Variants in GRHL2 observed in about 807,000 individuals in gnomAD.
GRHL2 encodes the protein grainyhead-like protein 2 homolog.
A neutral mutation model predicts 83.8 loss-of-function variants in GRHL2; 21 were observed. The observed-to-expected ratio is 0.25, with a 90% CI of 0.18 to 0.36. The LOEUF (loss-of-function observed/expected upper bound fraction) is 0.36. GRHL2 is among the 10% of genes least tolerant of loss of function. GRHL2 has a pLI of 1.00. For synonymous variants in GRHL2, 280 were observed against 278.9 expected, an observed-to-expected ratio of 1.00 and a Z score of -0.04; for missense variants, 623 against 781.8, an observed-to-expected ratio of 0.80 and a Z score of 2.42.
At chr8:101,676,319 A>G in the GRHL2 span, among the ~76,000 whole-genome samples, 1 of 151,798 alleles carries the variant, frequency 6.6e-6, no homozygotes, top group Non-Finnish European at 1.5e-5. Flanking sequence ...CATCTGACAA[A>G]GGGCTAATAT....
intron 12 of GRHL2, 118 bp downstream of exon 12, chr8:101,637,046 T>C: frequency 1.1e-6 from 1 of 916,988 alleles, no homozygotes; most frequent in Non-Finnish European, 1.8e-6. Flanking sequence ...ACCTCAGGAC[T>C]CAGAGCTGAG....
chr8:101,541,037 G>T (rs985649358), intron 1 of GRHL2, among the ~76,000 whole-genome samples: 11 of 152,038 alleles, frequency 7.2e-5, no homozygotes, highest in East Asian at 5.8e-4. Context: ...TTTGTTTTTT[G>T]TTGTTGTTGT....
chr8:101,518,152 G>C (rs1463139914), intron 1 of GRHL2, among the ~76,000 whole-genome samples: 1 of 152,072 alleles, frequency 6.6e-6, no homozygotes, highest in Non-Finnish European at 1.5e-5. Context: ...ATACTTCCCT[G>C]CCTCTAATAA....
At chr8:101,629,758 T>C (rs966973598) in intron 9 of GRHL2, among the ~76,000 whole-genome samples, 1 of 152,126 alleles carries the variant, frequency 6.6e-6, no homozygotes, top group African/African-American at 2.4e-5. Context: ...CAGACTTTAG[T>C]ATTTTGAAGA....
intron 1 of GRHL2, among the ~76,000 whole-genome samples, chr8:101,494,538 C>G (rs551647946): frequency 1.3e-5 from 2 of 152,228 alleles, no homozygotes; most frequent in African/African-American, 2.4e-5. Context: ...AAACACGACT[C>G]GAGTTTGAAA....
intron 4 of GRHL2, among the ~76,000 whole-genome samples, chr8:101,563,050 G>A (rs559324161): frequency 6.6e-6 from 1 of 152,196 alleles, no homozygotes; most frequent in Admixed American, 6.5e-5. Flanking sequence ...TATGTGCTGG[G>A]CATCATTCTA....
At chr8:101,652,600 G>GTGT (rs1813694008) in intron 14 of GRHL2, among the ~76,000 whole-genome samples, 2 of 71,614 alleles carry the variant, frequency 2.8e-5, no homozygotes, top group Non-Finnish European at 4.8e-5. Flanking sequence ...GTGTGTGTGT[G>GTGT]GTGTGTGTGT....
intron 1 of GRHL2, among the ~76,000 whole-genome samples, chr8:101,524,801 A>G (rs1463915595): frequency 1.3e-5 from 2 of 152,172 alleles, no homozygotes; most frequent in Non-Finnish European, 2.9e-5. Context: ...TGGCTTTAAA[A>G]AAAAAATCCA....
rs140511699 is a variant in GRHL2 at position 101,616,575 on chromosome 8, A to C, written c.1099-2964A>C. The stretch of plus-strand genomic sequence containing the variant: ...TCTTTACTGTTCCTCAGTCCTTGTC[A>C]GACCCCTGCTCTAAGCCCAGTGAAT... On this transcript the variant is annotated intron_variant, in intron 8 of 15. Coordinates refer to ENST00000646743, the MANE Select transcript of GRHL2 (RefSeq NM_024915.4). 3.9e-3 allele frequency among the ~76,000 whole-genome samples: 595 copies of C among 152,214 alleles called. 5 individuals are homozygous for C. The highest frequency in any genetic ancestry group is 6.6e-3 in the Non-Finnish European group (447 of 68,014).
intron 7 of GRHL2, among the ~76,000 whole-genome samples, chr8:101,578,849 G>A (rs748166690): frequency 2.6e-5 from 4 of 152,210 alleles, no homozygotes; most frequent in Non-Finnish European, 5.9e-5. Flanking sequence ...GACTAGGATA[G>A]GGTGAGAGGC....
Position 101,667,077 on chromosome 8 carries a change from A to C in GRHL2, c.*374A>C. The C allele has an allele frequency of 3.1e-6, 1 of 322,402 alleles. No homozygotes were observed. The highest frequency in any genetic ancestry group is 6.0e-6 in the Non-Finnish European group (1 of 167,446). The allele number at this position is 322,402 out of a possible 1,614,324, so 20.0% of individuals were successfully genotyped here. ...AAACACTCATCCCGAACAGCCTAAA[A>C]AATTCCCATCCCTTCTCTCTCACCC... is the stretch of plus-strand genomic sequence containing the variant. On this transcript the variant is annotated 3_prime_UTR_variant, in exon 16 of 16. Coordinates refer to ENST00000646743, the MANE Select transcript of GRHL2 (RefSeq NM_024915.4).
chr8:101,565,896 A>G (rs1240802949), intron 4 of GRHL2, among the ~76,000 whole-genome samples: 1 of 152,224 alleles, frequency 6.6e-6, no homozygotes, highest in Non-Finnish European at 1.5e-5. Flanking sequence ...TCTTGAAATG[A>G]AAGCAAGTAA....
intron 5 of GRHL2, among the ~76,000 whole-genome samples, chr8:101,572,640 T>C (rs1426331198): frequency 6.6e-6 from 1 of 152,200 alleles, no homozygotes; most frequent in African/African-American, 2.4e-5. Context: ...GTGTTTGTTA[T>C]TGGATTGTCA....
chr8:101,649,321 T>G (rs1813574165), intron 13 of GRHL2, 93 bp from the exon 14 acceptor site: 1 of 1,000,776 alleles, frequency 1.0e-6, no homozygotes, highest in Non-Finnish European at 1.6e-6. Flanking sequence ...GGTGCCACTC[T>G]CCAACACCTG....
chr8:101,655,095 T>A (rs12545764), intron 14 of GRHL2, among the ~76,000 whole-genome samples: 60,086 of 151,466 alleles, frequency 0.4, 14,360 homozygotes, highest in African/African-American at 0.68. Flanking sequence ...AGCAGGAGAA[T>A]CCCTTGAACC....
At chr8:101,639,603 C>T (rs918345580) in intron 12 of GRHL2, among the ~76,000 whole-genome samples, 1 of 152,198 alleles carries the variant, frequency 6.6e-6, no homozygotes, top group African/African-American at 2.4e-5. Context: ...TAATTCTTGA[C>T]CTGTGGCTAT....
intron 14 of GRHL2, among the ~76,000 whole-genome samples, chr8:101,662,860 C>CATATATATATATATATATATATAT (rs34202494): frequency 2.3e-4 from 34 of 146,120 alleles, no homozygotes; most frequent in African/African-American, 8.2e-4. Context: ...TATGTACTTA[C>CATATATATATATATATATATATAT]ATATATATAC....
chr8:101,671,550 G>A (rs564069540), downstream of GRHL2, among the ~76,000 whole-genome samples: 15 of 152,332 alleles, frequency 9.8e-5, no homozygotes, highest in East Asian at 2.3e-3. Context: ...CGAACTGGGT[G>A]GAGCCTACCA....
At chr8:101,572,794 T>G (rs1811853093) in intron 5 of GRHL2, among the ~76,000 whole-genome samples, 1 of 152,110 alleles carries the variant, frequency 6.6e-6, no homozygotes, top group South Asian at 2.1e-4. Flanking sequence ...GTTTTTCCTT[T>G]GTAAATTATA....
Sources: gnomAD v4.1 joint callset for allele counts (sites outside exome capture counted in the v4.1 genomes callset) on GRCh38, gnomAD v4.1.1 for gene constraint, MANE v1.5 for transcripts, NCBI Gene and HGNC (gene_info 2026-07-23, HGNC 2026-07-21) for gene names.